Variants in POU2F2 observed in about 807,000 individuals in gnomAD.
POU2F2 encodes the protein POU domain, class 2, transcription factor 2.
POU2F2 carries 14 observed loss-of-function variants against 63.5 expected under a neutral mutation model. The observed-to-expected ratio is 0.22, with a 90% CI of 0.15 to 0.34. The LOEUF is 0.34. Ranked by LOEUF, POU2F2 falls within the 10% of genes least tolerant of loss-of-function variation. POU2F2 has a pLI of 1.00. For synonymous variants in POU2F2, 306 were observed against 348.6 expected, an observed-to-expected ratio of 0.88 and a Z score of 1.36; for missense variants, 607 against 815.2, an observed-to-expected ratio of 0.74 and a Z score of 3.11.
At chr19:42,150,364 G>A (rs1407804329) in intron 2 of POU2F2, among the ~76,000 whole-genome samples, 2 of 151,006 alleles carry the variant, frequency 1.3e-5, no homozygotes, top group Admixed American at 6.6e-5. Context: ...GAAGAGGAGG[G>A]GGTCTTGGTG....
intron 1 of POU2F2, among the ~76,000 whole-genome samples, chr19:42,132,130 C>T (rs942711430): frequency 2.0e-5 from 3 of 152,206 alleles, no homozygotes; most frequent in African/African-American, 4.8e-5. Context: ...CCCTCCCTCC[C>T]GTCCCCAGAC....
rs555706832 is a variant in POU2F2, at chr19:42,099,476, C to T, written c.567+51G>A. ...CCCCCACCCCCGTTTACCCAGCTTTCAGCAGGCCTTGCTGCTGGCCTGGCC... is the reference window on the plus strand; with the variant it reads ...CCCCCACCCCCGTTTACCCAGCTTTTAGCAGGCCTTGCTGCTGGCCTGGCC... On this transcript the variant is annotated intron_variant, in intron 7 of 14. Coordinates refer to ENST00000692977, the MANE Select transcript of POU2F2 (RefSeq NM_001394376.1). 4 of 1,499,232 alleles carry T rather than the reference C, an allele frequency of 2.7e-6. No individual in the cohort carries two copies. In the East Asian group the frequency reaches 9.0e-5, roughly 34 times the overall value. 92.9% of individuals were successfully genotyped at this position (1,499,232 alleles called of 1,614,324 possible). A position where few individuals can be genotyped will look rare whatever the true frequency, so the allele number is the denominator to read the frequency against.
intron 5 of POU2F2, among the ~76,000 whole-genome samples, chr19:42,105,761 C>A (rs2077312598): frequency 6.6e-6 from 1 of 152,156 alleles, no homozygotes; most frequent in African/African-American, 2.4e-5. Flanking sequence ...ATCTGCAATG[C>A]AAGTCTTCCC....
At chr19:42,132,353 T>C (rs2033828848) in intron 1 of POU2F2, 31 bp downstream of exon 1, 4 of 1,582,520 alleles carry the variant, frequency 2.5e-6, no homozygotes, top group Non-Finnish European at 2.6e-6. Flanking sequence ...GCCTGTCCTC[T>C]GAGCAGTGGC....
intron 1 of POU2F2, among the ~76,000 whole-genome samples, chr19:42,190,964 G>A (rs991953855): frequency 1.3e-5 from 2 of 151,902 alleles, no homozygotes; most frequent in Non-Finnish European, 2.9e-5. Context: ...CTACTTGGGA[G>A]GCTGAGGCAC....
At chr19:42,190,698 A>G (rs76156945) in intron 1 of POU2F2, among the ~76,000 whole-genome samples, 4,245 of 152,258 alleles carry the variant, frequency 0.028, 205 homozygotes, top group African/African-American at 0.096. Flanking sequence ...TATTAAAAAT[A>G]CAAAAATTAT....
chr19:42,175,416 G>A (rs1599718942), intron 1 of POU2F2, among the ~76,000 whole-genome samples: 1 of 152,014 alleles, frequency 6.6e-6, no homozygotes, highest in African/African-American at 2.4e-5. Context: ...TGAGGGAGGG[G>A]GTAGAAAGAG....
At position 42,087,489 on chromosome 19, in the gene POU2F2, A is replaced by T. The variant is rs1316837044; in HGVS notation, c.*3768T>A. 1.3e-5 allele frequency: 2 copies of T among 151,320 alleles called. No homozygotes were observed. The highest frequency in any genetic ancestry group is 2.9e-5 in the Non-Finnish European group (2 of 67,910). The allele number at this position is 151,320 out of a possible 1,614,324, so 9.4% of individuals were successfully genotyped here. A position where few individuals can be genotyped will look rare whatever the true frequency, so the allele number is the denominator to read the frequency against. ...TTCCCCTCCTCCTGATCTCAGCCCC[A>T]ACTCCTACTGGGGCTTGGGTTCCCC... On this transcript the variant is annotated 3_prime_UTR_variant, in exon 15 of 15. Transcript: ENST00000692977.
chr19:42,150,291 G>A (rs560809345), intron 2 of POU2F2, among the ~76,000 whole-genome samples: 1 of 152,086 alleles, frequency 6.6e-6, no homozygotes, highest in South Asian at 2.1e-4. Context: ...GCCTAGATGG[G>A]GGGTGGAAGG....
intron 2 of POU2F2, among the ~76,000 whole-genome samples, chr19:42,147,123 T>A (rs1568413352): frequency 6.6e-6 from 1 of 152,162 alleles, no homozygotes; most frequent in African/African-American, 2.4e-5. Context: ...GAGCTTCCCA[T>A]GCATTTGGGA....
At chr19:42,129,863 C>T (rs749037760) in intron 1 of POU2F2, among the ~76,000 whole-genome samples, 4 of 152,220 alleles carry the variant, frequency 2.6e-5, no homozygotes, top group Non-Finnish European at 5.9e-5. Context: ...CCCACAGCTG[C>T]GCTGACAGCA....
At chr19:42,128,610 G>A (rs1050446944) in intron 1 of POU2F2, among the ~76,000 whole-genome samples, 1 of 152,178 alleles carries the variant, frequency 6.6e-6, no homozygotes, top group South Asian at 2.1e-4. Context: ...TGGACTAAAA[G>A]CCAAATGACG....
Position 42,156,220 on chromosome 19 carries a change from A to T in POU2F2, c.-9+4112T>A, listed in dbSNP as rs1599683059. On this transcript the variant is annotated intron_variant, in intron 2 of 6. Transcript: ENST00000524801. The surrounding 1 kb of genome is among the most constrained non-coding windows in gnomAD (Gnocchi z 4.1). ...TGTGGGACTGTCAGGGATTCCAGGG[A>T]CCCACTGGTCCCCGAACTGGCTCAG... 1 of 152,030 alleles carries T rather than the reference A, an allele frequency of 6.6e-6. No homozygotes were observed. The highest frequency in any genetic ancestry group is 1.5e-5 in the Non-Finnish European group (1 of 67,988). 9.4% of individuals were successfully genotyped at this position (152,030 alleles called of 1,614,324 possible). A position where few individuals can be genotyped will look rare whatever the true frequency, so the allele number is the denominator to read the frequency against.
chr19:42,132,227 G>T (rs2033812188), intron 1 of POU2F2, among the ~76,000 whole-genome samples, 157 bp downstream of exon 1: 1 of 152,210 alleles, frequency 6.6e-6, no homozygotes, highest in African/African-American at 2.4e-5. Context: ...AGCTGTGGGG[G>T]TTAGCGGGGA....
intron 1 of POU2F2, among the ~76,000 whole-genome samples, chr19:42,129,816 T>C (rs528274463): frequency 3.9e-5 from 6 of 152,078 alleles, no homozygotes; most frequent in African/African-American, 1.4e-4. Context: ...GAGGGAGGGA[T>C]GGAGATACAG....
Position 42,193,025 on chromosome 19 carries a change from C to T in POU2F2, c.-70+3358G>A, listed in dbSNP as rs369295989. ...CACGAAGTCAGGAGATCAAGACTAT[C>T]CTGGCTAACACGGTGAAATCCCGTC... On this transcript the variant is annotated intron_variant, in intron 1 of 5. Coordinates refer to the POU2F2 transcript ENST00000532176. Among the ~76,000 whole-genome samples the T allele has an allele frequency of 6.6e-5, 10 of 151,538 alleles. No homozygotes were observed. In the East Asian group the frequency reaches 1.4e-3, roughly 20 times the overall value.
Position 42,087,546 on chromosome 19 carries a change from C to T in POU2F2, c.*3711G>A, listed in dbSNP as rs369427283. 1.3e-5 allele frequency: 2 copies of T among 150,692 alleles called. No individual in the cohort carries two copies. Among genetic ancestry groups the T allele is most frequent in the East Asian group, 3.9e-4 (2 of 5,132 alleles). 9.3% of individuals were successfully genotyped at this position (150,692 alleles called of 1,614,324 possible). On this transcript the variant is annotated 3_prime_UTR_variant, in exon 15 of 15. Coordinates refer to ENST00000692977, the MANE Select transcript of POU2F2 (RefSeq NM_001394376.1). ...ACCCACCCCCACACACACACCCACC[C>T]CACCCCCCAGAAGAGAACAGAGAGA...
intron 1 of POU2F2, among the ~76,000 whole-genome samples, chr19:42,163,052 G>A (rs2034581735): frequency 6.6e-6 from 1 of 152,128 alleles, no homozygotes; most frequent in African/African-American, 2.4e-5. Flanking sequence ...CTTGCTCAAG[G>A]TCACACAGCC....
chr19:42,193,682 T>C (rs1179324402), intron 1 of POU2F2, among the ~76,000 whole-genome samples: 1 of 152,232 alleles, frequency 6.6e-6, no homozygotes, highest in Non-Finnish European at 1.5e-5. Flanking sequence ...GGTAATTTGT[T>C]ATAGCAGTTA....
Sources: gnomAD v4.1 joint callset for allele counts (sites outside exome capture counted in the v4.1 genomes callset) on GRCh38, gnomAD v4.1.1 for gene constraint, Gnocchi (gnomAD v3.1) non-coding constraint, MANE v1.5 for transcripts, NCBI Gene and HGNC (gene_info 2026-07-23, HGNC 2026-07-21) for gene names.